Variants in NALF1 observed in about 807,000 individuals in gnomAD.
NALF1 encodes NALCN channel auxiliary factor 1.
In NALF1, 3 loss-of-function variants were observed where a neutral mutation model predicts 48.4. The observed-to-expected ratio is 0.06, with a 90% confidence interval of 0.03 to 0.16. The LOEUF is 0.16. Among genes scored for constraint, NALF1 ranks in the 10% least tolerant of loss-of-function variants. The pLI is 1.00. For synonymous variants in NALF1, 262 were observed against 245.7 expected, an observed-to-expected ratio of 1.07 and a Z score of -0.62; for missense variants, 526 against 571.5, an observed-to-expected ratio of 0.92 and a Z score of 0.81.
intron 1 of NALF1, among the ~76,000 whole-genome samples, chr13:107,453,375 C>A (rs1468486853): frequency 6.6e-6 from 1 of 152,214 alleles, no homozygotes; most frequent in African/African-American, 2.4e-5. Flanking sequence ...TTCTGCACAC[C>A]CACAGGGCTA....
At chr13:107,237,183 AACTT>A (rs560643677) in intron 1 of NALF1, among the ~76,000 whole-genome samples, 1 of 152,012 alleles carries the variant, frequency 6.6e-6, no homozygotes, top group South Asian at 2.1e-4. Context: ...TTAGACTAGA[AACTT>A]AATTATTTTG....
chr13:107,613,373 C>A (rs1460555582), intron 1 of NALF1, among the ~76,000 whole-genome samples: 4 of 152,196 alleles, frequency 2.6e-5, no homozygotes, highest in Admixed American at 2.6e-4. Flanking sequence ...TGGGTAAATT[C>A]TTTCTCTCTC....
chr13:107,194,034 ATCTATCTATCTATCTATCTATC>A (rs1431450419), intron 2 of NALF1, among the ~76,000 whole-genome samples: 54 of 147,934 alleles, frequency 3.7e-4, no homozygotes, highest in African/African-American at 1.4e-3. Context: ...CTATCTATCT[ATCTATCTATCTATCTATCTATC>A]TATATATCAA....
In NALF1 at chr13:107,789,499, T is replaced by A. The variant is rs182267567; in HGVS notation, c.915+76183A>T. On this transcript the variant is annotated intron_variant, in intron 1 of 2. Transcript: ENST00000375915. Reference sequence around the variant, plus strand: ...CTATGCTTACTTCATCTTTATCTCATCATTTCTTTGTCATTCTGGATCATG... The same window carrying A: ...CTATGCTTACTTCATCTTTATCTCAACATTTCTTTGTCATTCTGGATCATG... 4.7e-3 allele frequency among the ~76,000 whole-genome samples: 721 copies of A among 152,322 alleles called. 6 individuals are homozygous for A. Among genetic ancestry groups the A allele is most frequent in the Middle Eastern group, 0.017 (5 of 294 alleles).
chr13:107,859,407 T>C (rs1257344843), intron 1 of NALF1, among the ~76,000 whole-genome samples: 1 of 152,208 alleles, frequency 6.6e-6, no homozygotes, highest in Non-Finnish European at 1.5e-5. Flanking sequence ...TAAATTTTGT[T>C]TGTAAATGAC....
At chr13:107,737,434 T>C (rs1291412183) in intron 1 of NALF1, among the ~76,000 whole-genome samples, 1 of 152,236 alleles carries the variant, frequency 6.6e-6, no homozygotes, top group African/African-American at 2.4e-5. Flanking sequence ...TGAAAACTAA[T>C]TGATTTTTAA....
At chr13:107,439,539 GA>G (rs1477603993) in intron 1 of NALF1, among the ~76,000 whole-genome samples, 1 of 151,990 alleles carries the variant, frequency 6.6e-6, no homozygotes, top group Admixed American at 6.6e-5. Context: ...GTGGTTTTAA[GA>G]AAAAAAGCCT....
chr13:107,627,405 T>C (rs1039054390), intron 1 of NALF1, among the ~76,000 whole-genome samples: 1 of 152,068 alleles, frequency 6.6e-6, no homozygotes, highest in Non-Finnish European at 1.5e-5. Flanking sequence ...GAAAAGCCTA[T>C]AATGGAGTCC....
At chr13:107,269,981 A>G (rs1478386204) in intron 1 of NALF1, among the ~76,000 whole-genome samples, 4 of 127,402 alleles carry the variant, frequency 3.1e-5, no homozygotes, top group Non-Finnish European at 6.2e-5. Context: ...CGTGTTAGCC[A>G]GGATGGTCTC....
intron 1 of NALF1, among the ~76,000 whole-genome samples, chr13:107,838,999 T>C (rs780294724): frequency 6.0e-4 from 91 of 152,164 alleles, no homozygotes; most frequent in Non-Finnish European, 9.0e-4. Context: ...CTCTCTTTGG[T>C]TGCAAAATTC....
intron 2 of NALF1, among the ~76,000 whole-genome samples, chr13:107,201,373 G>C (rs773965547): frequency 6.6e-6 from 1 of 152,114 alleles, no homozygotes; most frequent in Non-Finnish European, 1.5e-5. Context: ...TCAGGAGATC[G>C]AGACCAGCCT....
At chr13:107,328,678 A>G (rs1441166246) in intron 1 of NALF1, among the ~76,000 whole-genome samples, 1 of 152,314 alleles carries the variant, frequency 6.6e-6, no homozygotes, top group East Asian at 1.9e-4. Flanking sequence ...CATGTCCTGG[A>G]AAAACAATTT....
intron 1 of NALF1, among the ~76,000 whole-genome samples, chr13:107,397,224 A>T (rs1883728164): frequency 6.6e-6 from 1 of 152,188 alleles, no homozygotes; most frequent in Non-Finnish European, 1.5e-5. Context: ...CATCCTCTGC[A>T]GCAATGGGAG....
At position 107,726,385 on chromosome 13, in the gene NALF1, G is replaced by A. The variant is rs529242227; in HGVS notation, c.915+139297C>T. 2.6e-5 allele frequency among the ~76,000 whole-genome samples: 4 copies of A among 152,044 alleles called. No homozygotes were observed. The South Asian group carries it at 8.3e-4, about 32-fold the overall frequency. On this transcript the variant is annotated intron_variant, in intron 1 of 2. Transcript: ENST00000375915. ...GGAATATTTATGTCCTTGAAGCCAA[G>A]TAAATTATATTATGCTGTCTCACAA...
chr13:107,297,668 C>G (rs781485879), intron 1 of NALF1, among the ~76,000 whole-genome samples: 7 of 152,092 alleles, frequency 4.6e-5, no homozygotes, highest in Non-Finnish European at 8.8e-5. Flanking sequence ...AGGCCTAGCC[C>G]GATAGATATA....
intron 2 of NALF1, among the ~76,000 whole-genome samples, chr13:107,187,896 G>A (rs1305003378): frequency 6.6e-6 from 1 of 151,882 alleles, no homozygotes; most frequent in African/African-American, 2.4e-5. Flanking sequence ...TATTAGGTTG[G>A]TGCAAAAGTA....
intron 1 of NALF1, among the ~76,000 whole-genome samples, chr13:107,477,169 G>A (rs1254698761): frequency 2.0e-5 from 3 of 152,026 alleles, no homozygotes; most frequent in East Asian, 3.9e-4. Context: ...GTTTAATAAC[G>A]AGGACCAAGA....
chr13:107,587,341 G>A (rs905249490), intron 1 of NALF1, among the ~76,000 whole-genome samples: 2 of 152,152 alleles, frequency 1.3e-5, no homozygotes, highest in Non-Finnish European at 2.9e-5. Flanking sequence ...CAGTCTCTTC[G>A]GAAGATCAGT....
chr13:107,686,184 A>G (rs2138500350), intron 1 of NALF1, among the ~76,000 whole-genome samples: 1 of 152,252 alleles, frequency 6.6e-6, no homozygotes, highest in Admixed American at 6.5e-5. Flanking sequence ...TTTCTCCTGT[A>G]GTATGGTAGA....
Sources: allele counts gnomAD v4.1 joint callset (sites outside exome capture counted in the v4.1 genomes callset), GRCh38; gene constraint gnomAD v4.1.1; transcripts MANE v1.5; gene names NCBI Gene and HGNC (gene_info 2026-07-23, HGNC 2026-07-21).